Variants in MYO16 observed in about 807,000 individuals in gnomAD.
MYO16 encodes myosin XVI, also known as unconventional myosin-XVI.
MYO16 carries 94 observed loss-of-function variants against 205.3 expected under a neutral mutation model. That is an observed-to-expected ratio of 0.46 (90% confidence interval 0.39 to 0.54). MYO16 has a LOEUF of 0.54. Among genes scored for constraint, MYO16 ranks in the 20% least tolerant of loss-of-function variants. The pLI, the probability that MYO16 is intolerant of heterozygous loss-of-function variation, is 0.00. For missense variants in MYO16, 2,315 were observed against 2,387.5 expected (o/e 0.97, Z 0.63); for synonymous variants, 988 against 954.0 (o/e 1.04, Z -0.66).
intron 32 of MYO16, among the ~76,000 whole-genome samples, chr13:109,156,545 C>T (rs1026368286): frequency 2.0e-5 from 3 of 152,180 alleles, no homozygotes; most frequent in Non-Finnish European, 2.9e-5. Context: ...GTTACTGAAA[C>T]CCGGATCCCA....
At chr13:108,696,354 T>C (rs1309727655) in intron 2 of MYO16, among the ~76,000 whole-genome samples, 1 of 152,140 alleles carries the variant, frequency 6.6e-6, no homozygotes, top group Non-Finnish European at 1.5e-5. Flanking sequence ...AATGGGGAAT[T>C]GGATGCACAA....
Position 109,042,504 on chromosome 13 carries a change from G to GCAA in MYO16, c.2797-4393_2797-4391dup, listed in dbSNP as rs780612774. The stretch of plus-strand genomic sequence containing the variant: ...CCAAATTTAGCACCAGGAAAAGACA[G>GCAA]CAACAACAACAACAACAACAAAACA... On this transcript the variant is annotated intron_variant, in intron 23 of 34. Coordinates refer to ENST00000457511, the MANE Select transcript of MYO16 (RefSeq NM_001198950.3). 4.8e-4 allele frequency among the ~76,000 whole-genome samples: 73 copies of GCAA among 152,190 alleles called. No homozygotes were observed. In the East Asian group the frequency reaches 6.8e-3, roughly 14 times the overall value.
chr13:109,018,794 G>C (rs996790265), intron 22 of MYO16, among the ~76,000 whole-genome samples: 11 of 152,090 alleles, frequency 7.2e-5, no homozygotes, highest in Non-Finnish European at 1.2e-4. Context: ...GCGATGCCCC[G>C]CTCTGCTTCA....
At chr13:108,508,720 T>A in the MYO16 span, among the ~76,000 whole-genome samples, 1 of 152,196 alleles carries the variant, frequency 6.6e-6, no homozygotes, top group Non-Finnish European at 1.5e-5. Context: ...GACGGTAGAA[T>A]GTAAAGGCTT....
chr13:108,643,113 A>AT (rs1482181712), intron 1 of MYO16, among the ~76,000 whole-genome samples: 1 of 152,180 alleles, frequency 6.6e-6, no homozygotes, highest in African/African-American at 2.4e-5. Context: ...CATATAGAAT[A>AT]TTTTTCTCAC....
intron 22 of MYO16, among the ~76,000 whole-genome samples, chr13:109,015,617 TA>T (rs1398090566): frequency 6.6e-6 from 1 of 152,200 alleles, no homozygotes; most frequent in Non-Finnish European, 1.5e-5. Context: ...TGTAGGCTAT[TA>T]ATTGTTGCCT....
rs1448791709 is a variant in MYO16 at position 108,992,451 on chromosome 13, A to G, written c.2442+3A>G. The G allele has an allele frequency of 1.3e-6, 2 of 1,546,172 alleles. No homozygotes were observed. Among genetic ancestry groups the G allele is most frequent in the South Asian group, 1.1e-5 (1 of 88,264 alleles). On this transcript the variant is annotated splice_donor_region_variant and intron_variant, in intron 21 of 34. Transcript: ENST00000457511. ...TTCAAAAGAATGAATTTGAACAAGT[A>G]AGTAGTCTTTCTTTTAAAATTGTGT... is the stretch of plus-strand genomic sequence containing the variant.
At chr13:109,097,290 T>G (rs922197807) in intron 27 of MYO16, among the ~76,000 whole-genome samples, 3 of 152,060 alleles carry the variant, frequency 2.0e-5, no homozygotes, top group South Asian at 2.1e-4. Flanking sequence ...GATCACACCA[T>G]TGCACTCCAG....
intron 14 of MYO16, among the ~76,000 whole-genome samples, chr13:108,890,104 A>ATTTTTT (rs60627565): frequency 0.02 from 1,906 of 94,846 alleles, 88 homozygotes; most frequent in Non-Finnish European, 0.028. Context: ...TAATTTTTGT[A>ATTTTTT]TTTTTTTTTT....
At chr13:109,018,097 G>C (rs1030754957) in intron 22 of MYO16, among the ~76,000 whole-genome samples, 1 of 152,180 alleles carries the variant, frequency 6.6e-6, no homozygotes. Context: ...CCCCATCTTT[G>C]TGGTTTTATC....
At chr13:108,894,979 T>C (rs977019762) in intron 14 of MYO16, among the ~76,000 whole-genome samples, 2 of 152,220 alleles carry the variant, frequency 1.3e-5, no homozygotes, top group Non-Finnish European at 2.9e-5. Context: ...CCAAATGAAT[T>C]TCAACTTTAA....
At chr13:108,712,773 G>A (rs766663560) in intron 3 of MYO16, 42 bp downstream of exon 3, 19 of 1,515,390 alleles carry the variant, frequency 1.3e-5, no homozygotes, top group East Asian at 2.3e-5. Context: ...GGGGACACCC[G>A]GGGGAGAGTA....
Position 108,599,336 on chromosome 13 carries a change from TA to T in MYO16, c.-39+3098del, listed in dbSNP as rs1878678888. On this transcript the variant is annotated intron_variant, in intron 1 of 24. Transcript: ENST00000251041. ...TGTGTCTTTATAGCAGCATGATTTA[TA>T]GTCCTTTGGGTATATACCCAGTAAT... is the stretch of plus-strand genomic sequence containing the variant. Among the ~76,000 whole-genome samples, 3 of 149,002 alleles carry T rather than the reference TA, an allele frequency of 2.0e-5. No homozygotes were observed. The South Asian group carries it at 6.6e-4, about 33-fold the overall frequency.
intron 22 of MYO16, among the ~76,000 whole-genome samples, chr13:109,015,037 G>A (rs1021540738): frequency 3.5e-4 from 53 of 152,194 alleles, no homozygotes; most frequent in African/African-American, 1.2e-3. Flanking sequence ...CCTGTCTCGT[G>A]CCAGTTTGCA....
At chr13:108,967,149 A>G (rs983725443) in intron 20 of MYO16, among the ~76,000 whole-genome samples, 4 of 127,446 alleles carry the variant, frequency 3.1e-5, no homozygotes, top group South Asian at 4.4e-4. Context: ...TATACTGACT[A>G]TATATATGTG....
intron 21 of MYO16, among the ~76,000 whole-genome samples, chr13:108,993,855 A>T (rs1028180432): frequency 2.0e-5 from 3 of 152,126 alleles, no homozygotes; most frequent in Non-Finnish European, 4.4e-5. Context: ...GAGATTCCTT[A>T]TGTTATTATC....
intron 12 of MYO16, among the ~76,000 whole-genome samples, chr13:108,866,660 T>G (rs981696119): frequency 6.6e-6 from 1 of 152,332 alleles, no homozygotes; most frequent in African/African-American, 2.4e-5. Context: ...TTTTCCCAAA[T>G]GACTTGCCAA....
At chr13:109,121,063 T>A (rs552545376) in intron 29 of MYO16, among the ~76,000 whole-genome samples, 1 of 152,078 alleles carries the variant, frequency 6.6e-6, no homozygotes, top group African/African-American at 2.4e-5. Context: ...AGAAAAAAAA[T>A]CAAAATTTAG....
intron 7 of MYO16, 24 bp downstream of exon 7, chr13:108,806,828 T>TA: frequency 7.0e-7 from 1 of 1,429,214 alleles, no homozygotes; most frequent in Non-Finnish European, 9.3e-7. Flanking sequence ...CTGAATTCTT[T>TA]AAAAAATAAT....
Sources: gnomAD v4.1 joint callset for allele counts (sites outside exome capture counted in the v4.1 genomes callset) on GRCh38, gnomAD v4.1.1 for gene constraint, MANE v1.5 for transcripts, NCBI Gene and HGNC (gene_info 2026-07-23, HGNC 2026-07-21) for gene names.